HIVEP2: variants seen among roughly 807,000 people sequenced by gnomAD.
HIVEP2 encodes HIVEP zinc finger 2, also known as transcription factor HIVEP2.
A neutral mutation model predicts 180.7 loss-of-function variants in HIVEP2; 14 were observed. The observed-to-expected ratio is 0.08, with a 90% CI of 0.05 to 0.12. HIVEP2 has a LOEUF of 0.12. HIVEP2 is among the 10% of genes least tolerant of loss of function. The probability of loss-of-function intolerance (pLI) is 1.00; values close to 1 mark genes in which losing one functional copy is unlikely to be tolerated. For missense variants in HIVEP2, 2,579 were observed against 3,008.5 expected (o/e 0.86, Z 3.34); for synonymous variants, 1,184 against 1,136.4 (o/e 1.04, Z -0.84).
intron 1 of HIVEP2, among the ~76,000 whole-genome samples, chr6:142,901,149 T>C (rs867506309): frequency 5.3e-5 from 8 of 152,344 alleles, no homozygotes; most frequent in Middle Eastern, 3.4e-3. Context: ...TAAATCAATA[T>C]GTCAAAACTT....
chr6:142,773,795 A>C lies in HIVEP2; in HGVS notation c.944T>G (p.Leu315Trp), dbSNP rs1177586462. ...IASRGGYHGS[L>W]EESLGGPMKV... ...CATTGGACCTCCCAATGATTCTTCC[A>C]ATGACCCATGATAGCCGCCTCTGCT... The change falls in exon 5 of 10, where the codon TTG becomes TGG. Residue 315 changes from leucine (L) to tryptophan (W), a missense_variant. Coordinates refer to ENST00000367603, the MANE Select transcript of HIVEP2 (RefSeq NM_006734.4). The C allele has an allele frequency of 3.1e-6, 5 of 1,613,876 alleles. No homozygotes were observed. The highest frequency in any genetic ancestry group is 4.2e-6 in the Non-Finnish European group (5 of 1,180,040).
intron 1 of HIVEP2, among the ~76,000 whole-genome samples, chr6:142,907,741 T>C (rs1362385514): frequency 6.6e-6 from 1 of 152,176 alleles, no homozygotes; most frequent in East Asian, 1.9e-4. Context: ...AGAGAGGACC[T>C]GCGCTCAGGA....
intron 2 of HIVEP2, among the ~76,000 whole-genome samples, chr6:142,807,603 T>C (rs1357109216): frequency 6.6e-6 from 1 of 152,212 alleles, no homozygotes; most frequent in African/African-American, 2.4e-5. Flanking sequence ...AGTAGTCCCA[T>C]AACTTGTATC....
In HIVEP2 at chr6:142,751,878, GA is replaced by G; in HGVS notation, c.*1228del. 1 of 152,936 alleles carries G rather than the reference GA, an allele frequency of 6.5e-6. No homozygotes were observed. Among genetic ancestry groups the G allele is most frequent in the Non-Finnish European group, 1.5e-5 (1 of 68,214 alleles). The allele number at this position is 152,936 out of a possible 1,614,324, so 9.5% of individuals were successfully genotyped here. A position where few individuals can be genotyped will look rare whatever the true frequency, so the allele number is the denominator to read the frequency against. ...TGTTCCCATGTAAACCGGCTGACAG[GA>G]AGAGCTGGGGAGCAGGTCTCCATCT... is the stretch of plus-strand genomic sequence containing the variant. On this transcript the variant is annotated 3_prime_UTR_variant, in exon 10 of 10. Transcript: ENST00000367603.
chr6:142,809,966 C>T (rs1175461163), intron 2 of HIVEP2, among the ~76,000 whole-genome samples: 2 of 152,172 alleles, frequency 1.3e-5, no homozygotes, highest in Non-Finnish European at 2.9e-5. Flanking sequence ...GTTGCTAAAT[C>T]TCTTAGGGTC....
intron 1 of HIVEP2, among the ~76,000 whole-genome samples, chr6:142,883,135 G>A (rs936633299): frequency 6.6e-5 from 10 of 151,976 alleles, no homozygotes; most frequent in South Asian, 2.1e-4. Context: ...GATAGCATTC[G>A]ATATCACACC....
At chr6:142,777,372 T>C (rs1157001775) in intron 3 of HIVEP2, among the ~76,000 whole-genome samples, 1 of 152,024 alleles carries the variant, frequency 6.6e-6, no homozygotes, top group Non-Finnish European at 1.5e-5. Flanking sequence ...CGAAGACACA[T>C]TGTTAATCCT....
chr6:142,785,265 C>T (rs1263318311), intron 2 of HIVEP2, among the ~76,000 whole-genome samples: 1 of 118,658 alleles, frequency 8.4e-6, no homozygotes, highest in African/African-American at 3.0e-5. Flanking sequence ...CAAAAAAAAC[C>T]CACAAAAACT....
intron 1 of HIVEP2, among the ~76,000 whole-genome samples, chr6:142,930,471 A>G (rs939016066): frequency 2.6e-5 from 4 of 152,096 alleles, no homozygotes; most frequent in Admixed American, 6.5e-5. Flanking sequence ...CAAATTACTA[A>G]TGCCTCAATC....
intron 3 of HIVEP2, among the ~76,000 whole-genome samples, chr6:142,782,059 G>T (rs374104922): frequency 6.6e-6 from 1 of 152,156 alleles, no homozygotes; most frequent in Non-Finnish European, 1.5e-5. Context: ...ACAATGACTG[G>T]CAGCAAACAC....
chr6:142,804,659 G>C lies in HIVEP2; in HGVS notation c.-527-21044C>G, dbSNP rs143327067. Among the ~76,000 whole-genome samples the C allele has an allele frequency of 1.7e-3, 256 of 152,152 alleles. 1 individual carries two copies. The highest frequency in any genetic ancestry group is 5.6e-3 in the African/African-American group (233 of 41,496). The stretch of plus-strand genomic sequence containing the variant: ...CCTTTGCATAAGGTATTAAGCAACA[G>C]TAAAAAGTTAAAAATTGTTCTCTGA... On this transcript the variant is annotated intron_variant, in intron 2 of 9. Transcript: ENST00000367603.
Position 142,915,337 on chromosome 6 carries a change from G to A in HIVEP2, c.-641+29762C>T, listed in dbSNP as rs114729113. 4.5e-3 allele frequency among the ~76,000 whole-genome samples: 683 copies of A among 152,242 alleles called. 10 individuals are homozygous for A. The highest frequency in any genetic ancestry group is 0.016 in the African/African-American group (648 of 41,522). On this transcript the variant is annotated intron_variant, in intron 1 of 9. Transcript: ENST00000367603. The stretch of plus-strand genomic sequence containing the variant: ...CCTTATCCAACATGACAGAAATGGC[G>A]AACACTACATGAAGACTGAGGCAGA...
chr6:142,754,730 T>G (rs12525812), intron 9 of HIVEP2, among the ~76,000 whole-genome samples: 14,765 of 152,268 alleles, frequency 0.097, 925 homozygotes, highest in Non-Finnish European at 0.13. Context: ...GCATCTTAAT[T>G]CTTTTGTTCA....
At chr6:142,762,362 T>C (rs1775265251) in intron 7 of HIVEP2, among the ~76,000 whole-genome samples, 1 of 152,088 alleles carries the variant, frequency 6.6e-6, no homozygotes, top group Non-Finnish European at 1.5e-5. Flanking sequence ...ATATAAATTA[T>C]ATATATAATT....
chr6:142,919,121 T>C (rs1777630727), intron 1 of HIVEP2, among the ~76,000 whole-genome samples: 1 of 152,214 alleles, frequency 6.6e-6, no homozygotes, highest in South Asian at 2.1e-4. Flanking sequence ...TTAATTCCAG[T>C]ATATTTTCAG....
chr6:142,841,724 T>G (rs1040576128), intron 1 of HIVEP2, among the ~76,000 whole-genome samples: 1 of 152,156 alleles, frequency 6.6e-6, no homozygotes, highest in Non-Finnish European at 1.5e-5. Context: ...AACATTTTGT[T>G]GTCCCATGTT....
Position 142,772,054 on chromosome 6 carries a change from C to G in HIVEP2, c.2685G>C (p.Glu895Asp). ...TCTCCTTCTCAGGTTTATCAGGCTC[C>G]TCGGTCACTCGAATCTCAGGAACCT... is the stretch of plus-strand genomic sequence containing the variant. ...NIQVPEIRVTEEPDKPEKEKE... is the reference protein window; with the variant it reads ...NIQVPEIRVTDEPDKPEKEKE... The change falls in exon 5 of 10, where the codon GAG (glutamate) becomes GAC (aspartate). Residue 895 changes from glutamate (E) to aspartate (D), a missense_variant. Transcript: ENST00000367603. This position sits in a 1 kb window ranked among gnomAD's most constrained non-coding sequence, Gnocchi z 4.9. The G allele has an allele frequency of 1.9e-6, 3 of 1,614,222 alleles. No homozygotes were observed. Among genetic ancestry groups the G allele is most frequent in the Non-Finnish European group, 2.5e-6 (3 of 1,180,050 alleles).
chr6:142,779,586 C>T (rs1001639394), intron 3 of HIVEP2: 1 of 152,240 alleles, frequency 6.6e-6, no homozygotes, highest in Non-Finnish European at 1.5e-5. Flanking sequence ...CAGCACTGCA[C>T]TCCAGCCTGG....
At chr6:142,828,750 C>T (rs1582895331) in intron 2 of HIVEP2, among the ~76,000 whole-genome samples, 1 of 152,032 alleles carries the variant, frequency 6.6e-6, no homozygotes, top group Admixed American at 6.6e-5. Context: ...TTTTATATCC[C>T]CAACTAAATT....
Sources: allele counts gnomAD v4.1 joint callset (sites outside exome capture counted in the v4.1 genomes callset), GRCh38; gene constraint gnomAD v4.1.1; non-coding constraint Gnocchi (gnomAD v3.1); transcripts MANE v1.5; gene names NCBI Gene and HGNC (gene_info 2026-07-23, HGNC 2026-07-21).